Variants in DMRT1 observed in about 807,000 individuals in gnomAD.
The protein encoded by DMRT1 is doublesex and mab-3 related transcription factor 1, also known as doublesex- and mab-3-related transcription factor 1.
In DMRT1, 7 loss-of-function variants were observed where a neutral mutation model predicts 32.3. That is an observed-to-expected ratio of 0.22 (90% CI 0.12 to 0.41). The LOEUF is 0.41. DMRT1 is among the 10% of genes least tolerant of loss of function. The pLI, the probability that DMRT1 is intolerant of heterozygous loss-of-function variation, is 1.00. For missense variants in DMRT1, 625 were observed against 500.5 expected, an observed-to-expected ratio of 1.25 and a Z score of -2.37; for synonymous variants, 278 against 206.1, an observed-to-expected ratio of 1.35 and a Z score of -2.99.
intron 3 of DMRT1, among the ~76,000 whole-genome samples, chr9:907,827 A>G (rs1564242443): frequency 1.7e-5 from 1 of 58,132 alleles, no homozygotes; most frequent in African/African-American, 6.7e-5. Context: ...TCTAAAATAT[A>G]TATGTGTGTG....
At chr9:925,842 C>G (rs1818506113) in intron 4 of DMRT1, among the ~76,000 whole-genome samples, 1 of 152,276 alleles carries the variant, frequency 6.6e-6, no homozygotes, top group Admixed American at 6.5e-5. Flanking sequence ...GGGTCCTGTT[C>G]CAGTGTGGCA....
chr9:963,921 A>G (rs1819853157), intron 4 of DMRT1, among the ~76,000 whole-genome samples: 1 of 152,226 alleles, frequency 6.6e-6, no homozygotes, highest in Admixed American at 6.5e-5. Flanking sequence ...AGAGGCCAGC[A>G]ATTTTGTTTG....
intron 3 of DMRT1, among the ~76,000 whole-genome samples, chr9:905,411 A>T (rs1008039984): frequency 6.6e-6 from 1 of 152,038 alleles, no homozygotes; most frequent in African/African-American, 2.4e-5. Context: ...TGTCTGGAGT[A>T]TTTGTATAAA....
At chr9:892,406 C>A (rs1817186981) in intron 2 of DMRT1, among the ~76,000 whole-genome samples, 1 of 152,076 alleles carries the variant, frequency 6.6e-6, no homozygotes. Context: ...CCTCACCCAG[C>A]CCTCCACCTG....
intron 2 of DMRT1, among the ~76,000 whole-genome samples, chr9:861,489 T>C (rs1435529521): frequency 6.6e-6 from 1 of 152,364 alleles, no homozygotes; most frequent in South Asian, 2.1e-4. Flanking sequence ...ACAATAACAA[T>C]CTGATCTTTC....
At position 867,848 on chromosome 9, in the gene DMRT1, A is replaced by G. The variant is rs117704810; in HGVS notation, c.538+20705A>G. The stretch of plus-strand genomic sequence containing the variant: ...TTTTCTCTTATTTTCCTTTCTTGAG[A>G]TATATTTTCTCTGTAAGTGCTGTGT... On this transcript the variant is annotated intron_variant, in intron 2 of 4. Transcript: ENST00000382276. 3.4e-3 allele frequency among the ~76,000 whole-genome samples: 518 copies of G among 152,214 alleles called. 3 individuals are homozygous for G. Among genetic ancestry groups the G allele is most frequent in the Middle Eastern group, 0.031 (9 of 292 alleles).
chr9:922,979 T>G (rs1818403888), intron 4 of DMRT1, among the ~76,000 whole-genome samples: 1 of 152,186 alleles, frequency 6.6e-6, no homozygotes, highest in Non-Finnish European at 1.5e-5. Context: ...TGCAGAGGCC[T>G]CTGTGCTCCC....
intron 2 of DMRT1, among the ~76,000 whole-genome samples, chr9:871,511 T>C (rs1816255145): frequency 6.7e-6 from 1 of 148,848 alleles, no homozygotes; most frequent in African/African-American, 2.5e-5. Context: ...TTTTTTTTTT[T>C]TTTTTTTTTT....
chr9:919,417 G>T (rs1401290026), intron 4 of DMRT1, among the ~76,000 whole-genome samples: 1 of 148,402 alleles, frequency 6.7e-6, no homozygotes, highest in African/African-American at 2.5e-5. Flanking sequence ...GGAATGTTGG[G>T]CGGGGGGAGG....
intron 2 of DMRT1, among the ~76,000 whole-genome samples, chr9:854,616 TA>T: frequency 6.6e-6 from 1 of 152,114 alleles, no homozygotes; most frequent in East Asian, 1.9e-4. Context: ...TCTGGCCACT[TA>T]AGTGAAATGA....
chr9:873,892 G>A (rs111948578), intron 2 of DMRT1, among the ~76,000 whole-genome samples: 1 of 152,182 alleles, frequency 6.6e-6, no homozygotes, highest in Non-Finnish European at 1.5e-5. Context: ...TCACCTTCTA[G>A]TACTCCCCCC....
At chr9:903,331 T>C (rs536056332) in intron 3 of DMRT1, among the ~76,000 whole-genome samples, 6 of 152,146 alleles carry the variant, frequency 3.9e-5, no homozygotes, top group Non-Finnish European at 7.4e-5. Context: ...TTTCTGTTTC[T>C]AGGTGATCAC....
intron 1 of DMRT1, among the ~76,000 whole-genome samples, chr9:844,845 C>T (rs1180847098): frequency 2.0e-5 from 3 of 151,630 alleles, no homozygotes; most frequent in East Asian, 1.9e-4. Context: ...CTCGGCCTCC[C>T]GAGTAGCTGG....
In DMRT1 at chr9:850,117, C is replaced by G. The variant is rs1033509667; in HGVS notation, c.538+2974C>G. Among the ~76,000 whole-genome samples, 4 of 152,220 alleles carry G rather than the reference C, an allele frequency of 2.6e-5. No individual in the cohort carries two copies. In the South Asian group the frequency reaches 8.3e-4, roughly 32 times the overall value. On this transcript the variant is annotated intron_variant, in intron 2 of 4. Transcript: ENST00000382276. Reference sequence around the variant, plus strand: ...TACAGGCGTGAGCCACCACGCCCAGCTGACAATAGGCTCTCTGCTAACCAG... The same window carrying G: ...TACAGGCGTGAGCCACCACGCCCAGGTGACAATAGGCTCTCTGCTAACCAG...
chr9:874,345 T>C (rs1422216745), intron 2 of DMRT1, among the ~76,000 whole-genome samples: 2 of 152,206 alleles, frequency 1.3e-5, no homozygotes, highest in African/African-American at 4.8e-5. Flanking sequence ...ATTTATACAG[T>C]TGAGATATAG....
At chr9:944,080 A>T (rs992347556) in intron 4 of DMRT1, among the ~76,000 whole-genome samples, 1 of 152,080 alleles carries the variant, frequency 6.6e-6, no homozygotes. Flanking sequence ...CCCTCTCTAA[A>T]CCTTAGTTTT....
chr9:900,377 C>T (rs75070090), intron 3 of DMRT1, among the ~76,000 whole-genome samples: 1 of 128,462 alleles, frequency 7.8e-6, no homozygotes, highest in East Asian at 2.3e-4. Flanking sequence ...ACTGCCCCCC[C>T]TTTTTTTGTT....
chr9:870,835 C>A (rs1816216206), intron 2 of DMRT1, among the ~76,000 whole-genome samples: 1 of 151,234 alleles, frequency 6.6e-6, no homozygotes, highest in Non-Finnish European at 1.5e-5. Context: ...CCTCAGCCTC[C>A]CGAGTAGCTG....
At chr9:967,418 A>G (rs1310440495) in intron 4 of DMRT1, among the ~76,000 whole-genome samples, 1 of 152,010 alleles carries the variant, frequency 6.6e-6, no homozygotes, top group African/African-American at 2.4e-5. Context: ...TTTCTCTCCC[A>G]TTTACTGTCT....
Sources: allele counts gnomAD v4.1 joint callset (sites outside exome capture counted in the v4.1 genomes callset), GRCh38; gene constraint gnomAD v4.1.1; transcripts MANE v1.5; gene names NCBI Gene and HGNC (gene_info 2026-07-23, HGNC 2026-07-21).